SNX9: variants seen among roughly 807,000 people sequenced by gnomAD.
SNX9 encodes sorting nexin-9.
In SNX9, 44 loss-of-function variants were observed where a neutral mutation model predicts 89.4. The ratio of observed to expected loss-of-function variants is 0.49; its 90% CI spans 0.39 to 0.63. The LOEUF (loss-of-function observed/expected upper bound fraction) is 0.63. SNX9 is among the 30% of genes least tolerant of loss of function. The pLI is 0.00. For missense variants in SNX9, 578 were observed against 736.1 expected (o/e 0.79, Z 2.49); for synonymous variants, 236 against 247.8 (o/e 0.95, Z 0.45).
intron 1 of SNX9, among the ~76,000 whole-genome samples, chr6:157,853,803 A>G (rs867969831): frequency 1.7e-4 from 25 of 150,308 alleles, no homozygotes; most frequent in Admixed American, 5.9e-4. Flanking sequence ...AAAAAAAAAA[A>G]CAACAAAGGT....
chr6:157,878,471 T>A (rs1217958326), intron 4 of SNX9, among the ~76,000 whole-genome samples: 1 of 149,866 alleles, frequency 6.7e-6, no homozygotes, highest in East Asian at 2.0e-4. Flanking sequence ...GCTCAGTCGC[T>A]CAGGCTGGAG....
intron 4 of SNX9, among the ~76,000 whole-genome samples, chr6:157,886,788 T>C (rs982576338): frequency 6.6e-6 from 1 of 152,204 alleles, no homozygotes; most frequent in African/African-American, 2.4e-5. Context: ...TAGTGACCAA[T>C]GAAGAAAGCA....
intron 2 of SNX9, among the ~76,000 whole-genome samples, chr6:157,868,225 T>C (rs1313095825): frequency 6.6e-6 from 1 of 152,234 alleles, no homozygotes; most frequent in Non-Finnish European, 1.5e-5. Flanking sequence ...CAGCTTTTAT[T>C]CAAACAAGAA....
intron 4 of SNX9, among the ~76,000 whole-genome samples, chr6:157,890,120 A>G (rs1251060479): frequency 2.0e-5 from 3 of 152,314 alleles, no homozygotes; most frequent in South Asian, 4.1e-4. Context: ...GTCAATTCCA[A>G]TAGCTTCCTA....
chr6:157,869,915 C>T (rs1782356849), intron 2 of SNX9, among the ~76,000 whole-genome samples: 2 of 152,102 alleles, frequency 1.3e-5, no homozygotes, highest in South Asian at 2.1e-4. Context: ...ACCTCGCACC[C>T]TCATACACCT....
intron 1 of SNX9, among the ~76,000 whole-genome samples, chr6:157,867,058 C>T (rs982785926): frequency 2.0e-5 from 3 of 152,132 alleles, no homozygotes; most frequent in African/African-American, 7.2e-5. Context: ...AAGCAATCCT[C>T]CCGCCTCAGT....
intron 6 of SNX9, among the ~76,000 whole-genome samples, chr6:157,903,923 T>C (rs1783158554): frequency 6.6e-6 from 1 of 152,232 alleles, no homozygotes; most frequent in South Asian, 2.1e-4. Context: ...TCTCTGTCTC[T>C]CTGTAGTGCT....
chr6:157,928,500 TGCAA>T, intron 11 of SNX9, 95 bp from the exon 12 acceptor site: 1 of 886,994 alleles, frequency 1.1e-6, no homozygotes, highest in Non-Finnish European at 1.8e-6. Context: ...GTTGTTATCA[TGCAA>T]GAAAACAAGT....
At position 157,940,894 on chromosome 6, in the gene SNX9, C is replaced by G. The variant is rs940968913; in HGVS notation, c.1660C>G (p.His554Asp). ...MSYALQAEMN[H>D]FHSNRIYDYN... ...GATTTGGGTTGTAGCTGAGATGAAT[C>G]ACTTTCACAGTAACCGGATCTATGA... Residue 554 changes from histidine (H) to aspartate (D), a missense_variant, in exon 17 of 18, where the codon CAC becomes GAC. This residue lies in a region of SNX9 where 348 missense variants were observed against 491.4 expected (regional missense o/e 0.71). Transcript: ENST00000392185. 1 of 1,614,070 alleles carries G rather than the reference C, an allele frequency of 6.2e-7. No individual in the cohort carries two copies. The highest frequency in any genetic ancestry group is 1.3e-5 in the African/African-American group (1 of 75,064).
intron 4 of SNX9, among the ~76,000 whole-genome samples, chr6:157,891,486 C>G (rs566851280): frequency 1.3e-5 from 2 of 152,292 alleles, no homozygotes; most frequent in South Asian, 4.1e-4. Context: ...AATCTGATTT[C>G]CTCCTTTTGG....
intron 9 of SNX9, among the ~76,000 whole-genome samples, chr6:157,915,767 G>T (rs140738771): frequency 0.013 from 1,884 of 143,342 alleles, 42 homozygotes; most frequent in African/African-American, 0.046. Flanking sequence ...GGAGGTTGCC[G>T]TGAGCCAAGA....
intron 15 of SNX9, 121 bp downstream of exon 15, chr6:157,937,644 A>G: frequency 1.4e-6 from 1 of 709,300 alleles, no homozygotes; most frequent in Non-Finnish European, 2.3e-6. Context: ...AATTCCCATT[A>G]GAAAGGTTTT....
At chr6:157,902,579 G>A (rs1438917908) in intron 6 of SNX9, among the ~76,000 whole-genome samples, 1 of 152,064 alleles carries the variant, frequency 6.6e-6, no homozygotes, top group African/African-American at 2.4e-5. Flanking sequence ...CAAAGCACGT[G>A]TTTCAGCTCC....
intron 1 of SNX9, among the ~76,000 whole-genome samples, chr6:157,859,927 T>C (rs148938573): frequency 6.6e-6 from 1 of 152,248 alleles, no homozygotes; most frequent in Non-Finnish European, 1.5e-5. Flanking sequence ...GGTCATGTTA[T>C]AGGAGTCAGC....
At chr6:157,836,982 A>G (rs991666033) in intron 1 of SNX9, among the ~76,000 whole-genome samples, 7 of 152,160 alleles carry the variant, frequency 4.6e-5, no homozygotes, top group African/African-American at 1.7e-4. Flanking sequence ...GGGATGGAAA[A>G]ATAAAAGAAA....
chr6:157,841,809 T>A (rs1781709608), intron 1 of SNX9, among the ~76,000 whole-genome samples: 1 of 152,240 alleles, frequency 6.6e-6, no homozygotes, highest in African/African-American at 2.4e-5. Flanking sequence ...TACTACACTG[T>A]GACTTTTAAA....
rs530736604 is a variant in SNX9, at chr6:157,846,659, A to C, written c.13-20888A>C. 3.3e-5 allele frequency among the ~76,000 whole-genome samples: 5 copies of C among 152,356 alleles called. No individual in the cohort carries two copies. The South Asian group carries it at 1.0e-3, about 32-fold the overall frequency. On this transcript the variant is annotated intron_variant, in intron 1 of 17. Coordinates refer to ENST00000392185, the MANE Select transcript of SNX9 (RefSeq NM_016224.5). ...ATCTAGGCTGACCCTGTCATTTTTC[A>C]TGTGTGAAAGCTGAGAGCTGGGAAA...
intron 9 of SNX9, among the ~76,000 whole-genome samples, chr6:157,918,047 A>G (rs1783510224): frequency 6.6e-6 from 1 of 152,120 alleles, no homozygotes; most frequent in Non-Finnish European, 1.5e-5. Flanking sequence ...ATGGTCTGTC[A>G]TAGGGAATAT....
intron 1 of SNX9, among the ~76,000 whole-genome samples, chr6:157,843,117 G>A (rs774451762): frequency 1.3e-5 from 2 of 152,146 alleles, no homozygotes; most frequent in Non-Finnish European, 2.9e-5. Flanking sequence ...TGCAAAGGTG[G>A]TTTCAAGGAG....
Sources: gnomAD v4.1 joint callset for allele counts (sites outside exome capture counted in the v4.1 genomes callset) on GRCh38, gnomAD v4.1.1 for gene constraint, gnomAD v4.1.1 regional missense constraint, MANE v1.5 for transcripts, NCBI Gene and HGNC (gene_info 2026-07-23, HGNC 2026-07-21) for gene names.